HOOK2: variants seen among roughly 807,000 people sequenced by gnomAD.
HOOK2 encodes protein Hook homolog 2.
A neutral mutation model predicts 111.9 loss-of-function variants in HOOK2; 108 were observed. That is an observed-to-expected ratio of 0.96 (90% CI 0.83 to 1.13). The LOEUF (loss-of-function observed/expected upper bound fraction) is 1.13. HOOK2 is among the 50% of genes most tolerant of loss of function. The probability of loss-of-function intolerance (pLI) is 0.00; values close to 1 mark genes in which losing one functional copy is unlikely to be tolerated. For missense variants in HOOK2, 978 were observed against 951.3 expected, an observed-to-expected ratio of 1.03 and a Z score of -0.37; for synonymous variants, 405 against 394.3, an observed-to-expected ratio of 1.03 and a Z score of -0.32.
At position 12,763,170 on chromosome 19, in the gene HOOK2, G is replaced by C. The variant is rs1968045977; in HGVS notation, c.*112C>G. ...CCAATCTGGGAGAGGGAAGAGCAGAGATCATGGCCTCAAAGCTCTCGAGCA... is the reference window on the plus strand; with the variant it reads ...CCAATCTGGGAGAGGGAAGAGCAGACATCATGGCCTCAAAGCTCTCGAGCA... On this transcript the variant is annotated 3_prime_UTR_variant, in exon 23 of 23. Transcript: ENST00000397668. The C allele has an allele frequency of 2.0e-6, 2 of 1,023,340 alleles. No individual in the cohort carries two copies. Among genetic ancestry groups the C allele is most frequent in the East Asian group, 5.4e-5 (2 of 36,944 alleles). The allele number at this position is 1,023,340 out of a possible 1,614,324, so 63.4% of individuals were successfully genotyped here.
rs898604065 is a variant in HOOK2, at chr19:12,791,317, C to T, written n.42-17092G>A. Among the ~76,000 whole-genome samples the T allele has an allele frequency of 6.6e-6, 1 of 152,214 alleles. No individual in the cohort carries two copies. The highest frequency in any genetic ancestry group is 1.5e-5 in the Non-Finnish European group (1 of 68,042). On this transcript the variant is annotated intron_variant and non_coding_transcript_variant, in intron 3 of 3. Transcript: ENST00000589765. This position sits in a 1 kb window ranked among gnomAD's most constrained non-coding sequence, Gnocchi z 7.0. Reference sequence around the variant, plus strand: ...CCCGCCGAGCCACCCGGCCCGTGGCCGCTGTTTACAAGGACACGCGCTTCC... The same window carrying T: ...CCCGCCGAGCCACCCGGCCCGTGGCTGCTGTTTACAAGGACACGCGCTTCC...
intron 11 of HOOK2, 68 bp from the exon 12 acceptor site, chr19:12,768,191 G>A: frequency 8.0e-7 from 1 of 1,251,752 alleles, no homozygotes; most frequent in South Asian, 1.2e-5. Flanking sequence ...GAGTACAAAT[G>A]GTCCCCGATC....
At chr19:12,785,522 T>A (rs1486525355) in intron 3 of HOOK2, among the ~76,000 whole-genome samples, 1 of 151,924 alleles carries the variant, frequency 6.6e-6, no homozygotes, top group Non-Finnish European at 1.5e-5. Context: ...ATAGGAACTT[T>A]GAAACAACCT....
At position 12,769,888 on chromosome 19, in the gene HOOK2, C is replaced by T. The variant is rs1163064253; in HGVS notation, c.1097G>A (p.Arg366Gln). ...ACCCCGCCCCCGCCGCACCTGCCGC[C>T]GCTGCGCCTCCAGCTGGGCGCGCAG... The part of the protein sequence containing the change: ...GSLRAQLEAQ[R>Q]RQVQELQGQR... The change falls in exon 11 of 23, where the codon CGG becomes CAG. Residue 366 changes from arginine (R) to glutamine (Q), a missense_variant. By Grantham distance (43) the Arg-to-Gln change is conservative. Around this residue, in one of 5 missense-constraint regions of HOOK2, gnomAD observed 388 missense variants for 358.3 expected, o/e 1.08. Coordinates refer to ENST00000397668, the MANE Select transcript of HOOK2 (RefSeq NM_013312.3). 1 of 1,464,118 alleles carries T rather than the reference C, an allele frequency of 6.8e-7. No individual in the cohort carries two copies. The highest frequency in any genetic ancestry group is 2.6e-5 in the Admixed American group (1 of 38,422). 90.7% of individuals were successfully genotyped at this position (1,464,118 alleles called of 1,614,324 possible).
upstream of HOOK2, among the ~76,000 whole-genome samples, chr19:12,776,732 C>G (rs1968523742): frequency 6.6e-6 from 1 of 151,782 alleles, no homozygotes; most frequent in African/African-American, 2.4e-5. Context: ...GTCCTAGCTC[C>G]TAGCTCTACA....
rs1183372044 is a variant in HOOK2, at chr19:12,786,112, C to T, written n.42-11887G>A. On this transcript the variant is annotated intron_variant and non_coding_transcript_variant, in intron 3 of 3. Coordinates refer to the HOOK2 transcript ENST00000589765. The surrounding 1 kb of genome is among the most constrained non-coding windows in gnomAD (Gnocchi z 4.3). ...CAAGAAAACCTAGCAGCTTCCTCTC[C>T]AGGAGAGGGGGCAAAGGACCCCCAA... 6.6e-6 allele frequency among the ~76,000 whole-genome samples: 1 copy of T among 152,174 alleles called. No individual in the cohort carries two copies. The highest frequency in any genetic ancestry group is 1.5e-5 in the Non-Finnish European group (1 of 68,018).
chr19:12,767,943 C>T (rs776483194), intron 12 of HOOK2, 40 bp from the exon 13 acceptor site: 9 of 1,610,740 alleles, frequency 5.6e-6, no homozygotes, highest in Middle Eastern at 1.6e-4. Flanking sequence ...GGGTCAGGCT[C>T]GGCCTCCTGG....
chr19:12,788,249 C>T (rs1471422386), intron 3 of HOOK2, among the ~76,000 whole-genome samples: 1 of 152,166 alleles, frequency 6.6e-6, no homozygotes. Context: ...AGACAAGTTC[C>T]TTAATCTCCT....
chr19:12,771,999 G>A (rs1347307580), intron 7 of HOOK2, 191 bp downstream of exon 7: 2 of 604,300 alleles, frequency 3.3e-6, no homozygotes, highest in Non-Finnish European at 6.0e-6. Context: ...TAGCACCCTG[G>A]AAGATGGGCG....
Position 12,769,950 on chromosome 19 carries a change from C to T in HOOK2, c.1035G>A (p.Thr345=), listed in dbSNP as rs972909164. 5.8e-6 allele frequency: 9 copies of T among 1,557,648 alleles called. No individual in the cohort carries two copies. The highest frequency in any genetic ancestry group is 2.0e-4 in the Middle Eastern group (1 of 5,118). Residue 345 remains threonine (T), a synonymous_variant, in exon 11 of 23, where the codon ACG becomes ACA. Transcript: ENST00000397668. ...EERNAGHAER[T]RQLEDELRRA... ...GGCGTAGCTCATCCTCCAGTTGTCG[C>T]GTGCGCTCGGCGTGGCCGGCGTTGC...
rs771428593 is a variant in HOOK2, at chr19:12,770,054, C to T, written c.931G>A (p.Glu311Lys). 3.0e-5 allele frequency: 46 copies of T among 1,535,290 alleles called. No individual in the cohort carries two copies. The South Asian group carries it at 4.7e-4, about 16-fold the overall frequency. The change falls in exon 11 of 23, where the codon GAG becomes AAG. Residue 311 changes from glutamate to lysine, a missense_variant. Physicochemically the swap from Glu to Lys is moderately conservative, Grantham distance 56. This residue lies in a region of HOOK2 where 388 missense variants were observed against 358.3 expected (regional missense o/e 1.08). Coordinates refer to ENST00000397668, the MANE Select transcript of HOOK2 (RefSeq NM_013312.3). Reference protein sequence around the residue: ...RQSSERAGQLEATLTSCRRRL... With the variant: ...RQSSERAGQLKATLTSCRRRL... ...CGCCGGCAACTGGTCAGCGTGGCCT[C>T]CAGCTGCCCAGCACGCTCCGAAGAC...
Position 12,763,271 on chromosome 19 carries a change from T to C in HOOK2, c.*11A>G. 1.2e-6 allele frequency: 2 copies of C among 1,610,042 alleles called. No homozygotes were observed. Among genetic ancestry groups the C allele is most frequent in the Non-Finnish European group, 1.7e-6 (2 of 1,177,466 alleles). ...TGGGTGGAGCCCAGGCTGGCTTGAT[T>C]GTGAGGTCTGTCAGTGCTTGTCAGT... On this transcript the variant is annotated 3_prime_UTR_variant, in exon 23 of 23. Coordinates refer to ENST00000397668, the MANE Select transcript of HOOK2 (RefSeq NM_013312.3).
intron 20 of HOOK2, among the ~76,000 whole-genome samples, 198 bp from the exon 21 acceptor site, chr19:12,763,976 G>A (rs1968073967): frequency 6.6e-6 from 1 of 152,148 alleles, no homozygotes; most frequent in Non-Finnish European, 1.5e-5. Context: ...ACAAGCATGA[G>A]CCATTGTGCC....
chr19:12,769,456 C>A (rs1225578815), intron 11 of HOOK2, among the ~76,000 whole-genome samples: 1 of 151,908 alleles, frequency 6.6e-6, no homozygotes, highest in African/African-American at 2.4e-5. Context: ...AGGGTCTCAC[C>A]CTGTCACCCA....
chr19:12,774,610 G>T, intron 3 of HOOK2, 59 bp downstream of exon 3: 1 of 1,523,016 alleles, frequency 6.6e-7, no homozygotes, highest in Non-Finnish European at 9.1e-7. Flanking sequence ...GTGCCTAGCT[G>T]GCCCGTCCCT....
chr19:12,792,335 C>T lies in HOOK2; in HGVS notation n.42-18110G>A, dbSNP rs1178138086. On this transcript the variant is annotated intron_variant and non_coding_transcript_variant, in intron 3 of 3. Coordinates refer to the HOOK2 transcript ENST00000589765. ...CCGTTTACACCAACCTCAGCAGCTA[C>T]TCCCCAGCCTCTGCGTCCTCGGGAG... 10 of 1,532,518 alleles carry T rather than the reference C, an allele frequency of 6.5e-6. No individual in the cohort carries two copies. The East Asian group carries it at 1.2e-4, about 19-fold the overall frequency. 94.9% of individuals were successfully genotyped at this position (1,532,518 alleles called of 1,614,324 possible).
chr19:12,772,646 C>T lies in HOOK2; in HGVS notation c.423G>A (p.Ser141=), dbSNP rs201930521. The change falls in exon 6 of 23, where the codon TCG becomes TCA. Residue 141 remains serine, a synonymous_variant. Transcript: ENST00000397668. ...TGGCTTCCATCACCACATGCTGAAC[C>T]GATTCTTCCAGCGTCATGATTCTCT... ...HIQRIMTLEE[S]VQHVVMEAIQ... 1.2e-4 allele frequency: 192 copies of T among 1,614,230 alleles called. 1 individual carries two copies. In the South Asian group the frequency reaches 1.6e-3, roughly 14 times the overall value.
At chr19:12,789,665 G>T (rs1424075897) in intron 3 of HOOK2, among the ~76,000 whole-genome samples, 1 of 151,588 alleles carries the variant, frequency 6.6e-6, no homozygotes, top group Non-Finnish European at 1.5e-5. Flanking sequence ...CGCCCTCTCC[G>T]CGCCCCGTCG....
Position 12,765,824 on chromosome 19 carries a change from C to T in HOOK2, c.1605+5G>A. On this transcript the variant is annotated splice_donor_5th_base_variant and intron_variant, in intron 17 of 22. Coordinates refer to ENST00000397668, the MANE Select transcript of HOOK2 (RefSeq NM_013312.3). ...GGGGTGCCATCCTGGGCCCATGGTA[C>T]TTACAATGGCCTGTATGGGGCATCG... The T allele has an allele frequency of 6.2e-7, 1 of 1,613,004 alleles. No individual in the cohort carries two copies. Among genetic ancestry groups the T allele is most frequent in the South Asian group, 1.1e-5 (1 of 91,042 alleles).
Sources: allele counts gnomAD v4.1 joint callset (sites outside exome capture counted in the v4.1 genomes callset), GRCh38; gene constraint gnomAD v4.1.1; regional missense constraint gnomAD v4.1.1; non-coding constraint Gnocchi (gnomAD v3.1); transcripts MANE v1.5; gene names NCBI Gene and HGNC (gene_info 2026-07-23, HGNC 2026-07-21).